The following FBXL7 variants were observed in gnomAD, a reference collection of about 807,000 sequenced individuals.
FBXL7 encodes F-box/LRR-repeat protein 7.
Under a neutral mutation model 38.3 loss-of-function variants are expected in FBXL7, and 12 were observed. The ratio of observed to expected loss-of-function variants is 0.31; its 90% CI spans 0.20 to 0.51. The LOEUF (loss-of-function observed/expected upper bound fraction) is 0.51. FBXL7 is among the 20% of genes least tolerant of loss of function. FBXL7 has a pLI of 0.98. For synonymous variants in FBXL7, 297 were observed against 300.9 expected (o/e 0.99, Z 0.13); for missense variants, 567 against 676.4 (o/e 0.84, Z 1.79).
At position 15,817,299 on chromosome 5, in the gene FBXL7, CT is replaced by C. The variant is rs1308317108; in HGVS notation, c.128-110578del. Among the ~76,000 whole-genome samples, 404 of 146,358 alleles carry C rather than the reference CT, an allele frequency of 2.8e-3. 1 individual carries two copies. Among genetic ancestry groups the C allele is most frequent in the Middle Eastern group, 0.011 (3 of 274 alleles). On this transcript the variant is annotated intron_variant, in intron 2 of 3. Transcript: ENST00000504595. ...TTCCTAAATGCATGACTTTTGCTAA[CT>C]TTTTTTTTTTTTAAAAAAGGCAATG...
intron 2 of FBXL7, among the ~76,000 whole-genome samples, chr5:15,685,879 G>A (rs1341424593): frequency 6.6e-6 from 1 of 152,160 alleles, no homozygotes; most frequent in Non-Finnish European, 1.5e-5. Context: ...ACAACTTGGA[G>A]TGTCTTACTA....
intron 2 of FBXL7, among the ~76,000 whole-genome samples, chr5:15,869,183 T>A (rs1739846372): frequency 6.6e-6 from 1 of 152,144 alleles, no homozygotes; most frequent in South Asian, 2.1e-4. Context: ...GTCACAGACT[T>A]TGTAGCCTAA....
intron 2 of FBXL7, among the ~76,000 whole-genome samples, chr5:15,823,565 G>T (rs141869295): frequency 2.2e-3 from 329 of 152,246 alleles, no homozygotes; most frequent in African/African-American, 7.6e-3. Context: ...TGAATGTGGT[G>T]CTGGTAGCCA....
intron 2 of FBXL7, among the ~76,000 whole-genome samples, chr5:15,643,875 G>A (rs1369440417): frequency 6.6e-6 from 1 of 152,140 alleles, no homozygotes; most frequent in Non-Finnish European, 1.5e-5. Context: ...AACAGAAACA[G>A]GGAGAAATTG....
chr5:15,652,487 C>T lies in FBXL7; in HGVS notation c.127+36415C>T, dbSNP rs142577157. ...TTCACCGTGTTAGCCCGGATGGTCT[C>T]GATATCCTGACCTTGTGATCCACCC... On this transcript the variant is annotated intron_variant, in intron 2 of 3. Transcript: ENST00000504595. Among the ~76,000 whole-genome samples the T allele has an allele frequency of 8.6e-3, 1,305 of 152,240 alleles. 13 individuals are homozygous for T. Among genetic ancestry groups the T allele is most frequent in the African/African-American group, 0.03 (1,237 of 41,528 alleles).
At chr5:15,545,650 A>G (rs571078843) in intron 1 of FBXL7, among the ~76,000 whole-genome samples, 1 of 152,332 alleles carries the variant, frequency 6.6e-6, no homozygotes, top group South Asian at 2.1e-4. Flanking sequence ...GAATGGATAT[A>G]TCTGGCATCA....
At chr5:15,736,543 T>G (rs1735754053) in intron 2 of FBXL7, among the ~76,000 whole-genome samples, 1 of 152,190 alleles carries the variant, frequency 6.6e-6, no homozygotes, top group African/African-American at 2.4e-5. Flanking sequence ...ATACGTAAAA[T>G]AGCAACTATA....
intron 1 of FBXL7, chr5:15,607,357 T>C (rs561443237): frequency 6.6e-6 from 1 of 152,304 alleles, no homozygotes; most frequent in South Asian, 2.1e-4. Context: ...CTGGAATAGA[T>C]ATCATGAATC....
intron 2 of FBXL7, among the ~76,000 whole-genome samples, chr5:15,727,242 C>A: frequency 6.6e-6 from 1 of 152,238 alleles, no homozygotes; most frequent in East Asian, 1.9e-4. Context: ...AGTTATATCT[C>A]ATTGTTACTG....
chr5:15,650,885 A>T (rs1471608957), intron 2 of FBXL7, among the ~76,000 whole-genome samples: 1 of 152,106 alleles, frequency 6.6e-6, no homozygotes, highest in African/African-American at 2.4e-5. Flanking sequence ...TTTCTCTAAT[A>T]AATGCTAGAA....
chr5:15,593,963 T>C (rs1739548841), intron 1 of FBXL7, among the ~76,000 whole-genome samples: 2 of 152,226 alleles, frequency 1.3e-5, no homozygotes, highest in African/African-American at 4.8e-5. Flanking sequence ...GTGTTGATTT[T>C]GAACCTTTTT....
intron 1 of FBXL7, among the ~76,000 whole-genome samples, chr5:15,589,062 G>A (rs1429040): frequency 0.54 from 81,530 of 151,956 alleles, 22,653 homozygotes; most frequent in African/African-American, 0.67. Context: ...TACAAAGTAT[G>A]CTAACTGAGA....
chr5:15,841,445 G>A (rs963997190), intron 2 of FBXL7, among the ~76,000 whole-genome samples: 1 of 151,860 alleles, frequency 6.6e-6, no homozygotes, highest in Non-Finnish European at 1.5e-5. Context: ...AATGAATTTT[G>A]TTGAATCTTT....
intron 2 of FBXL7, among the ~76,000 whole-genome samples, chr5:15,660,203 T>G (rs1281437114): frequency 1.3e-5 from 2 of 152,220 alleles, no homozygotes; most frequent in Non-Finnish European, 1.5e-5. Context: ...TTCTTCCCAC[T>G]CCCATGCCCT....
intron 2 of FBXL7, among the ~76,000 whole-genome samples, chr5:15,768,609 A>G (rs1736652791): frequency 6.6e-6 from 1 of 152,120 alleles, no homozygotes; most frequent in Non-Finnish European, 1.5e-5. Context: ...GTACAGAACC[A>G]CCAGTGGAAA....
At chr5:15,754,639 C>T (rs796701376) in intron 2 of FBXL7, among the ~76,000 whole-genome samples, 6 of 152,188 alleles carry the variant, frequency 3.9e-5, no homozygotes, top group African/African-American at 1.4e-4. Flanking sequence ...AATGAGAAAA[C>T]TGTACTATTC....
chr5:15,876,037 T>C (rs1740188265), intron 2 of FBXL7, among the ~76,000 whole-genome samples: 1 of 152,064 alleles, frequency 6.6e-6, no homozygotes, highest in South Asian at 2.1e-4. Context: ...ATAAAGAAAA[T>C]GTGGCAAATA....
Position 15,928,720 on chromosome 5 carries a change from T to TA in FBXL7, c.739+219_739+220insA, listed in dbSNP as rs908019242. Reference sequence around the variant, plus strand: ...TCAAATAATGTCCACTTCTTTTTTTTTTATTATTATACTTTAAGTTTTAGG... The same window carrying TA: ...TCAAATAATGTCCACTTCTTTTTTTTATTATTATTATACTTTAAGTTTTAGG... On this transcript the variant is annotated intron_variant, in intron 3 of 3. Transcript: ENST00000504595. This position sits in a 1 kb window ranked among gnomAD's most constrained non-coding sequence, Gnocchi z 4.0. Among the ~76,000 whole-genome samples, 2 of 152,194 alleles carry TA rather than the reference T, an allele frequency of 1.3e-5. No individual in the cohort carries two copies. The highest frequency in any genetic ancestry group is 2.4e-5 in the African/African-American group (1 of 41,446).
At chr5:15,654,733 A>T (rs190432120) in intron 2 of FBXL7, among the ~76,000 whole-genome samples, 18 of 152,284 alleles carry the variant, frequency 1.2e-4, no homozygotes, top group African/African-American at 4.3e-4. Context: ...ATATTGTCCA[A>T]CATTTTTGGT....
Sources: gnomAD v4.1 joint callset for allele counts (sites outside exome capture counted in the v4.1 genomes callset) on GRCh38, gnomAD v4.1.1 for gene constraint, Gnocchi (gnomAD v3.1) non-coding constraint, MANE v1.5 for transcripts, NCBI Gene and HGNC (gene_info 2026-07-23, HGNC 2026-07-21) for gene names.